The following GUCY1A2 variants were observed in gnomAD, a reference collection of about 807,000 sequenced individuals.
GUCY1A2 encodes guanylate cyclase 1 soluble subunit alpha 2.
A neutral mutation model predicts 63.5 loss-of-function variants in GUCY1A2; 27 were observed. That is an observed-to-expected ratio of 0.43 (90% CI 0.31 to 0.59). The LOEUF (loss-of-function observed/expected upper bound fraction) is 0.59, where lower values mean the gene tolerates loss of function less well. Among genes scored for constraint, GUCY1A2 ranks in the 20% least tolerant of loss-of-function variants. The pLI is 0.11. For synonymous variants in GUCY1A2, 364 were observed against 343.5 expected (o/e 1.06, Z -0.66); for missense variants, 768 against 913.3 (o/e 0.84, Z 2.05).
intron 4 of GUCY1A2, among the ~76,000 whole-genome samples, chr11:106,845,499 CACTG>C (rs1366094925): frequency 2.6e-5 from 4 of 151,584 alleles, no homozygotes; most frequent in Admixed American, 2.0e-4. Flanking sequence ...CTCAGGTGCT[CACTG>C]ACTATCTCTT....
intron 5 of GUCY1A2, among the ~76,000 whole-genome samples, chr11:106,782,979 G>T (rs113387781): frequency 5.9e-5 from 9 of 152,212 alleles, no homozygotes; most frequent in African/African-American, 2.2e-4. Context: ...GAAAATCTAC[G>T]TGATTGTGGT....
At chr11:106,943,085 T>C (rs1052131176) in intron 3 of GUCY1A2, among the ~76,000 whole-genome samples, 31 of 152,228 alleles carry the variant, frequency 2.0e-4, no homozygotes, top group African/African-American at 6.8e-4. Context: ...AAAAAAGTTA[T>C]TAGATTTGAA....
chr11:106,902,355 C>T (rs936303387), intron 4 of GUCY1A2, among the ~76,000 whole-genome samples: 3 of 152,098 alleles, frequency 2.0e-5, no homozygotes, highest in Admixed American at 6.6e-5. Context: ...TTTTTAAGAA[C>T]CCAAGGATTT....
intron 4 of GUCY1A2, among the ~76,000 whole-genome samples, chr11:106,927,650 C>T (rs1860545083): frequency 1.3e-5 from 2 of 151,758 alleles, no homozygotes; most frequent in African/African-American, 4.8e-5. Flanking sequence ...CTGCAAGCTC[C>T]ACCTTCCGGG....
At chr11:106,791,509 G>A (rs1565291051) in intron 5 of GUCY1A2, among the ~76,000 whole-genome samples, 1 of 149,816 alleles carries the variant, frequency 6.7e-6, no homozygotes, top group Non-Finnish European at 1.5e-5. Flanking sequence ...GTGCACACGT[G>A]CTTGTTGAAT....
chr11:107,017,691 C>T lies in GUCY1A2; in HGVS notation c.303+62G>A, dbSNP rs1030830236. ...CGCTCGCGCCCCGGCTCGCCCAGCG[C>T]CAACTTTACAGATCCGCGTTCTCTC... On this transcript the variant is annotated intron_variant, in intron 1 of 7. Coordinates refer to ENST00000526355, the MANE Select transcript of GUCY1A2 (RefSeq NM_000855.3). 31 of 1,075,990 alleles carry T rather than the reference C, an allele frequency of 2.9e-5. No individual in the cohort carries two copies. In the South Asian group the frequency reaches 6.1e-4, roughly 21 times the overall value. The allele number at this position is 1,075,990 out of a possible 1,614,324, so 66.7% of individuals were successfully genotyped here.
intron 6 of GUCY1A2, among the ~76,000 whole-genome samples, chr11:106,744,244 CTTTTTT>C (rs5794491): frequency 1.8e-5 from 2 of 112,696 alleles, no homozygotes; most frequent in Admixed American, 9.8e-5. Flanking sequence ...AACATAAATG[CTTTTTT>C]TTTTTTTTTT....
At chr11:106,748,456 A>T (rs1375595073) in intron 6 of GUCY1A2, among the ~76,000 whole-genome samples, 14 of 152,210 alleles carry the variant, frequency 9.2e-5, no homozygotes, top group Non-Finnish European at 5.9e-5. Flanking sequence ...AGCAGGAATC[A>T]CAGCAGCTGA....
At chr11:107,016,464 G>C (rs1861825048) in intron 1 of GUCY1A2, among the ~76,000 whole-genome samples, 1 of 152,252 alleles carries the variant, frequency 6.6e-6, no homozygotes, top group African/African-American at 2.4e-5. Context: ...GCCAAGGGTA[G>C]CTGAAATGCC....
At chr11:107,003,062 C>A (rs955127633) in intron 1 of GUCY1A2, among the ~76,000 whole-genome samples, 2 of 152,130 alleles carry the variant, frequency 1.3e-5, no homozygotes, top group African/African-American at 2.4e-5. Context: ...TTTTACTTAT[C>A]TTTTACCTTC....
chr11:106,699,872 C>T (rs2135342672), intron 7 of GUCY1A2, among the ~76,000 whole-genome samples: 1 of 151,894 alleles, frequency 6.6e-6, no homozygotes, highest in African/African-American at 2.4e-5. Flanking sequence ...AGCTCCGCCT[C>T]CCAGGTTCAC....
At chr11:106,858,987 C>T (rs1349991505) in intron 4 of GUCY1A2, among the ~76,000 whole-genome samples, 2 of 152,028 alleles carry the variant, frequency 1.3e-5, no homozygotes, top group Non-Finnish European at 2.9e-5. Flanking sequence ...GCCTTGATCA[C>T]ATATAAGATA....
At chr11:106,759,579 AAT>A (rs1255420991) in intron 6 of GUCY1A2, among the ~76,000 whole-genome samples, 6 of 152,246 alleles carry the variant, frequency 3.9e-5, no homozygotes, top group African/African-American at 1.4e-4. Flanking sequence ...GAAAATTATT[AAT>A]ATGAGTTCCT....
chr11:106,972,588 C>T (rs1244379888), intron 3 of GUCY1A2, among the ~76,000 whole-genome samples: 4 of 151,926 alleles, frequency 2.6e-5, no homozygotes, highest in African/African-American at 9.7e-5. Flanking sequence ...CATGTTCTTC[C>T]AGCAAAAAAG....
chr11:106,974,534 G>T (rs753096374), intron 3 of GUCY1A2, among the ~76,000 whole-genome samples: 76 of 152,108 alleles, frequency 5.0e-4, no homozygotes, highest in Middle Eastern at 3.4e-3. Flanking sequence ...AAAACAGAGA[G>T]TTCCATACCA....
intron 6 of GUCY1A2, among the ~76,000 whole-genome samples, chr11:106,727,638 T>A (rs1863430208): frequency 6.6e-6 from 1 of 152,082 alleles, no homozygotes; most frequent in South Asian, 2.1e-4. Context: ...ATATACACAT[T>A]TATGGAAAAA....
intron 4 of GUCY1A2, chr11:106,824,028 T>C: frequency 7.3e-7 from 1 of 1,367,834 alleles, no homozygotes; most frequent in Non-Finnish European, 9.9e-7. Flanking sequence ...CTTCAAAAGC[T>C]TTCTTATTGT....
At chr11:106,937,948 T>C (rs1162404117) in intron 4 of GUCY1A2, among the ~76,000 whole-genome samples, 2 of 152,156 alleles carry the variant, frequency 1.3e-5, no homozygotes, top group Non-Finnish European at 2.9e-5. Context: ...CAAATAATTT[T>C]TTTTTTGAGA....
chr11:106,902,599 A>G (rs1273958199), intron 4 of GUCY1A2, among the ~76,000 whole-genome samples: 2 of 152,190 alleles, frequency 1.3e-5, no homozygotes, highest in East Asian at 1.9e-4. Flanking sequence ...TGCAGCTTCT[A>G]TATCAACACA....
Sources: gnomAD v4.1 joint callset for allele counts (sites outside exome capture counted in the v4.1 genomes callset) on GRCh38, gnomAD v4.1.1 for gene constraint, MANE v1.5 for transcripts, NCBI Gene and HGNC (gene_info 2026-07-23, HGNC 2026-07-21) for gene names.